IL1R1: variants seen among roughly 807,000 people sequenced by gnomAD.
IL1R1 encodes interleukin 1 receptor type 1, also known as interleukin-1 receptor type 1.
IL1R1 carries 22 observed loss-of-function variants against 50.2 expected under a neutral mutation model. That is an observed-to-expected ratio of 0.44 (90% CI 0.31 to 0.63). The LOEUF is 0.63. Among genes scored for constraint, IL1R1 ranks in the 20% least tolerant of loss-of-function variants. The probability of loss-of-function intolerance (pLI) is 0.07; values close to 1 mark genes in which losing one functional copy is unlikely to be tolerated. For synonymous variants in IL1R1, 251 were observed against 236.7 expected, an observed-to-expected ratio of 1.06 and a Z score of -0.55; for missense variants, 509 against 676.2, an observed-to-expected ratio of 0.75 and a Z score of 2.74.
chr2:102,171,986 G>C, intron 8 of IL1R1, 68 bp downstream of exon 8: 3 of 741,526 alleles, frequency 4.0e-6, no homozygotes, highest in Admixed American at 5.4e-5. Context: ...TAACCTTGTC[G>C]GTTCAGTTTA....
chr2:102,108,698 G>C (rs926874433), intron 1 of IL1R1, among the ~76,000 whole-genome samples: 1 of 152,010 alleles, frequency 6.6e-6, no homozygotes, highest in Non-Finnish European at 1.5e-5. Flanking sequence ...CGTTTAGTTT[G>C]GGTGAGTCTC....
chr2:102,136,374 ATTTTTTTTTT>A (rs10664336), intron 1 of IL1R1, among the ~76,000 whole-genome samples: 1 of 118,408 alleles, frequency 8.4e-6, no homozygotes, highest in Admixed American at 9.8e-5. Context: ...GGATAACAGT[ATTTTTTTTTT>A]TTTTTTTTTT....
At chr2:102,150,014 G>A (rs542434843) in intron 1 of IL1R1, among the ~76,000 whole-genome samples, 8 of 152,262 alleles carry the variant, frequency 5.3e-5, no homozygotes, top group South Asian at 2.1e-4. Context: ...TCTGGGGTGC[G>A]CCTGCTGTGT....
At chr2:102,090,194 C>T (rs1679606614) in intron 1 of IL1R1, among the ~76,000 whole-genome samples, 1 of 150,478 alleles carries the variant, frequency 6.6e-6, no homozygotes, top group African/African-American at 2.4e-5. Flanking sequence ...TCCTTTGTCC[C>T]CTCCTCATCA....
intron 1 of IL1R1, among the ~76,000 whole-genome samples, chr2:102,125,502 T>A (rs1471282608): frequency 6.6e-6 from 1 of 152,266 alleles, no homozygotes; most frequent in East Asian, 1.9e-4. Context: ...CATGAAGGTA[T>A]GTTCAGAATG....
At chr2:102,140,313 A>G (rs1357745314), upstream of IL1R1, among the ~76,000 whole-genome samples, 1 of 152,210 alleles carries the variant, frequency 6.6e-6, no homozygotes, top group African/African-American at 2.4e-5. Context: ...GTTGGTCAAT[A>G]TGATTTTGTT....
chr2:102,103,573 C>T (rs904708678), upstream of IL1R1, among the ~76,000 whole-genome samples: 1 of 152,100 alleles, frequency 6.6e-6, no homozygotes, highest in Non-Finnish European at 1.5e-5. Flanking sequence ...ACCTTGAATG[C>T]TAGAATTGGA....
intron 1 of IL1R1, among the ~76,000 whole-genome samples, chr2:102,095,123 CG>C (rs1679843351): frequency 6.6e-6 from 1 of 152,204 alleles, no homozygotes; most frequent in Non-Finnish European, 1.5e-5. Context: ...TCCCCCAACA[CG>C]GTGTCCTTTC....
chr2:102,091,971 A>G (rs1220127954), intron 1 of IL1R1, among the ~76,000 whole-genome samples: 2 of 152,190 alleles, frequency 1.3e-5, no homozygotes, highest in African/African-American at 4.8e-5. Context: ...TTACTTTTTA[A>G]TGGCTGAATA....
intron 1 of IL1R1, among the ~76,000 whole-genome samples, chr2:102,083,197 G>A (rs1679290317): frequency 6.6e-6 from 1 of 152,210 alleles, no homozygotes; most frequent in Admixed American, 6.5e-5. Flanking sequence ...CATCAGGAAA[G>A]TGAGATTCAT....
chr2:102,095,965 T>G (rs1679885291), intron 1 of IL1R1, among the ~76,000 whole-genome samples: 1 of 152,128 alleles, frequency 6.6e-6, no homozygotes, highest in Non-Finnish European at 1.5e-5. Flanking sequence ...ATCGTGCCAC[T>G]GCACTCCAGC....
intron 3 of IL1R1, among the ~76,000 whole-genome samples, chr2:102,162,305 T>C (rs928991287): frequency 6.6e-6 from 1 of 152,318 alleles, no homozygotes; most frequent in Non-Finnish European, 1.5e-5. Flanking sequence ...GGTGTATGTG[T>C]TTATGTTAGG....
chr2:102,083,333 CT>C (rs1559452614), intron 1 of IL1R1, among the ~76,000 whole-genome samples: 4 of 151,688 alleles, frequency 2.6e-5, no homozygotes, highest in Non-Finnish European at 4.4e-5. Context: ...TAGAATAGAA[CT>C]TTTTTTTTCC....
At chr2:102,082,936 T>C (rs969655773) in intron 1 of IL1R1, among the ~76,000 whole-genome samples, 2 of 152,178 alleles carry the variant, frequency 1.3e-5, no homozygotes, top group African/African-American at 2.4e-5. Context: ...TCTCAGGGAC[T>C]GTACTCAAGG....
intron 1 of IL1R1, among the ~76,000 whole-genome samples, chr2:102,090,896 T>C (rs1347501126): frequency 2.0e-5 from 3 of 152,216 alleles, no homozygotes; most frequent in Non-Finnish European, 2.9e-5. Context: ...GAGAGGACAA[T>C]AGAGGCTTCG....
chr2:102,124,312 C>T (rs374568793), intron 1 of IL1R1, among the ~76,000 whole-genome samples: 10 of 151,718 alleles, frequency 6.6e-5, no homozygotes, highest in South Asian at 6.3e-4. Context: ...CCCAGCTACT[C>T]GGGAGGCTGA....
chr2:102,163,470 T>C (rs1170838458), intron 3 of IL1R1, among the ~76,000 whole-genome samples: 2 of 150,766 alleles, frequency 1.3e-5, no homozygotes, highest in Non-Finnish European at 3.0e-5. Flanking sequence ...TTCACTCATC[T>C]TTTTTTTTCC....
At chr2:102,153,025 C>T (rs1471876832) in intron 1 of IL1R1, among the ~76,000 whole-genome samples, 1 of 151,924 alleles carries the variant, frequency 6.6e-6, no homozygotes, top group Non-Finnish European at 1.5e-5. Context: ...TAAAAGAAAA[C>T]TGCAAAAACA....
At chr2:102,124,028 A>G (rs1371678418) in intron 1 of IL1R1, among the ~76,000 whole-genome samples, 1 of 152,102 alleles carries the variant, frequency 6.6e-6, no homozygotes, top group Non-Finnish European at 1.5e-5. Context: ...GTACTCACAC[A>G]CTACCTCCTC....
Sources: allele counts gnomAD v4.1 joint callset (sites outside exome capture counted in the v4.1 genomes callset), GRCh38; gene constraint gnomAD v4.1.1; transcripts MANE v1.5; gene names NCBI Gene and HGNC (gene_info 2026-07-23, HGNC 2026-07-21).